CORO7: variants seen among roughly 807,000 people sequenced by gnomAD.
CORO7 encodes coronin-7.
In CORO7, 107 loss-of-function variants were observed where a neutral mutation model predicts 126.6. The ratio of observed to expected loss-of-function variants is 0.85; its 90% CI spans 0.72 to 0.99. The LOEUF (loss-of-function observed/expected upper bound fraction) is 0.99. CORO7 is among the 50% of genes least tolerant of loss of function. CORO7 has a pLI of 0.00. For missense variants in CORO7, 1,314 were observed against 1,255.8 expected, an observed-to-expected ratio of 1.05 and a Z score of -0.70; for synonymous variants, 603 against 536.8, an observed-to-expected ratio of 1.12 and a Z score of -1.70.
At position 4,416,546 on chromosome 16, in the gene CORO7, T is replaced by G. The variant is rs1265661723; in HGVS notation, c.-28A>C. ...CGACGGGCACGGCGGCGGACGCGTC[T>G]TCGAGGACCCCGGGCGTCGGGTCTC... On this transcript the variant is annotated 5_prime_UTR_variant, in exon 1 of 28. Transcript: ENST00000251166. The G allele has an allele frequency of 6.4e-7, 1 of 1,570,110 alleles. No individual in the cohort carries two copies. The highest frequency in any genetic ancestry group is 1.4e-5 in the African/African-American group (1 of 70,596).
At chr16:4,395,757 G>A (rs949899496) in intron 6 of CORO7, among the ~76,000 whole-genome samples, 1 of 152,170 alleles carries the variant, frequency 6.6e-6, no homozygotes, top group Non-Finnish European at 1.5e-5. Context: ...GCTCAGCCCT[G>A]TACTAGGCCC....
intron 9 of CORO7, among the ~76,000 whole-genome samples, chr16:4,366,287 T>C (rs960010273): frequency 3.6e-4 from 54 of 152,078 alleles, no homozygotes; most frequent in African/African-American, 1.2e-3. Flanking sequence ...GGGAATAGAG[T>C]GGGCGGGCCG....
rs373925275 is a variant in CORO7, at chr16:4,380,714, A to C, written c.785+7272T>G. ...GAGGGAGTGACGGGGCTGGGACAGA[A>C]CCTGGGTCGGGGCACTGGCGACCTG... On this transcript the variant is annotated intron_variant, in intron 9 of 27. Transcript: ENST00000251166. Among the ~76,000 whole-genome samples, 25 of 152,320 alleles carry C rather than the reference A, an allele frequency of 1.6e-4. No individual in the cohort carries two copies. In the East Asian group the frequency reaches 3.1e-3, roughly 19 times the overall value.
At chr16:4,360,795 T>G in intron 19 of CORO7, 148 bp downstream of exon 19, 1 of 1,177,140 alleles carries the variant, frequency 8.5e-7, no homozygotes, top group Non-Finnish European at 1.1e-6. Flanking sequence ...CTGGCCCCCC[T>G]CTCCTCACTG....
At chr16:4,357,355 CTTT>C (rs61391325) in intron 25 of CORO7, 96 bp from the exon 26 acceptor site, 8,945 of 715,452 alleles carry the variant, frequency 0.013, no homozygotes, top group East Asian at 0.014. Context: ...TTCTTTCTTT[CTTT>C]TTTTTTTTTT....
intron 9 of CORO7, among the ~76,000 whole-genome samples, chr16:4,383,898 C>T (rs905375628): frequency 6.6e-6 from 1 of 152,206 alleles, no homozygotes; most frequent in African/African-American, 2.4e-5. Flanking sequence ...GGGACAGGGC[C>T]CTGGGCTCTC....
chr16:4,366,249 G>A (rs947370298), intron 9 of CORO7, among the ~76,000 whole-genome samples: 2 of 152,216 alleles, frequency 1.3e-5, no homozygotes, highest in Non-Finnish European at 2.9e-5. Flanking sequence ...CTCTGGTCTC[G>A]AGGCAGGAGC....
At chr16:4,355,218 A>C (rs1440468183) in intron 27 of CORO7, 55 bp from the exon 28 acceptor site, 5 of 1,589,424 alleles carry the variant, frequency 3.1e-6, no homozygotes, top group Non-Finnish European at 4.3e-6. Context: ...GGAAGGGAGG[A>C]GGCATGCACC....
In CORO7 at chr16:4,378,379, C is replaced by T. The variant is rs114128208; in HGVS notation, c.785+9607G>A. The stretch of plus-strand genomic sequence containing the variant: ...AGGCTGGCCACGTGGAGGATCCCCT[C>T]CCACTCTGGAACCTGGCTGCATCCT... On this transcript the variant is annotated intron_variant, in intron 9 of 27. Transcript: ENST00000251166. Among the ~76,000 whole-genome samples the T allele has an allele frequency of 2.9e-3, 437 of 151,928 alleles. 5 individuals carry two copies. The highest frequency in any genetic ancestry group is 0.01 in the African/African-American group (417 of 41,380).
At chr16:4,376,919 A>AG (rs1179318737) in intron 9 of CORO7, among the ~76,000 whole-genome samples, 2 of 152,194 alleles carry the variant, frequency 1.3e-5, no homozygotes, top group Admixed American at 1.3e-4. Flanking sequence ...ACCCACGCCC[A>AG]GGGGGCAGGC....
chr16:4,373,453 G>A (rs886569420), intron 9 of CORO7, among the ~76,000 whole-genome samples: 5 of 152,142 alleles, frequency 3.3e-5, no homozygotes, highest in African/African-American at 4.8e-5. Context: ...GGGTCCCAGG[G>A]CATTTGTCCA....
chr16:4,380,362 TC>T (rs1233834860), intron 9 of CORO7, among the ~76,000 whole-genome samples: 9 of 152,210 alleles, frequency 5.9e-5, no homozygotes, highest in Non-Finnish European at 1.3e-4. Flanking sequence ...CCATGTGAAG[TC>T]TTCCCGCTGC....
At chr16:4,392,054 C>G (rs2055411507) in intron 7 of CORO7, among the ~76,000 whole-genome samples, 1 of 152,178 alleles carries the variant, frequency 6.6e-6, no homozygotes, top group South Asian at 2.1e-4. Flanking sequence ...AGACCCCCCA[C>G]TTACCCCCTT....
chr16:4,389,668 A>T (rs905551877), intron 7 of CORO7, among the ~76,000 whole-genome samples: 3 of 152,198 alleles, frequency 2.0e-5, no homozygotes, highest in Admixed American at 2.0e-4. Flanking sequence ...CTGGAGCCTG[A>T]GAACCAAGGC....
intron 6 of CORO7, among the ~76,000 whole-genome samples, chr16:4,398,441 G>T (rs952226480): frequency 6.6e-6 from 1 of 151,918 alleles, no homozygotes; most frequent in Non-Finnish European, 1.5e-5. Flanking sequence ...AGGCTGGGGG[G>T]AATCACTTGC....
rs1370027190 is a variant in CORO7 at position 4,408,262 on chromosome 16, G to C, written c.233-11C>G. ...AGTCGGTGACTAGGTCTGTGGGAGA[G>C]GAATGGCTGAACCCACCGGAATGTC... is the stretch of plus-strand genomic sequence containing the variant. On this transcript the variant is annotated splice_polypyrimidine_tract_variant and intron_variant, in intron 3 of 27. Transcript: ENST00000251166. 6.2e-7 allele frequency: 1 copy of C among 1,614,186 alleles called. No individual in the cohort carries two copies.
chr16:4,364,490 G>A lies in CORO7; in HGVS notation c.1138-77C>T, dbSNP rs915771459. 3.4e-6 allele frequency: 5 copies of A among 1,484,284 alleles called. No homozygotes were observed. In the African/African-American group the frequency reaches 5.6e-5, roughly 17 times the overall value. The allele number at this position is 1,484,284 out of a possible 1,614,324, so 91.9% of individuals were successfully genotyped here. A position where few individuals can be genotyped will look rare whatever the true frequency, so the allele number is the denominator to read the frequency against. ...AGGGCCCCCATGGGAGGGTCAACTGGGTAGGGATGGGGGGCACCCAGCAGG... is the reference window on the plus strand; with the variant it reads ...AGGGCCCCCATGGGAGGGTCAACTGAGTAGGGATGGGGGGCACCCAGCAGG... On this transcript the variant is annotated intron_variant, in intron 13 of 27. Transcript: ENST00000251166.
At chr16:4,360,832 T>C (rs1301515044) in intron 19 of CORO7, 111 bp downstream of exon 19, 2 of 1,465,770 alleles carry the variant, frequency 1.4e-6, no homozygotes, top group African/African-American at 1.6e-5. Context: ...TCGCTGCTGG[T>C]CCTGCCTCTC....
At position 4,362,023 on chromosome 16, in the gene CORO7, G is replaced by A; in HGVS notation, c.1540C>T (p.Pro514Ser). 1 of 1,612,342 alleles carries A rather than the reference G, an allele frequency of 6.2e-7. No individual in the cohort carries two copies. Among genetic ancestry groups the A allele is most frequent in the East Asian group, 2.2e-5 (1 of 44,832 alleles). The part of the protein sequence containing the change: ...FCANKLRVAV[P>S]LLSSGGQVAV... ...ACCTGTCCCCCGCTGCTGAGCAGCGGCACGGCCACACGCAGCTTGTTGGCA... is the reference window on the plus strand; with the variant it reads ...ACCTGTCCCCCGCTGCTGAGCAGCGACACGGCCACACGCAGCTTGTTGGCA... Residue 514 changes from proline (P) to serine (S), a missense_variant, in exon 16 of 28, where the codon CCG becomes TCG. By Grantham distance (74) the Pro-to-Ser change is moderately conservative. Transcript: ENST00000251166. The surrounding 1 kb of genome is among the most constrained non-coding windows in gnomAD (Gnocchi z 5.3).
Sources: gnomAD v4.1 joint callset for allele counts (sites outside exome capture counted in the v4.1 genomes callset) on GRCh38, gnomAD v4.1.1 for gene constraint, Gnocchi (gnomAD v3.1) non-coding constraint, MANE v1.5 for transcripts, NCBI Gene and HGNC (gene_info 2026-07-23, HGNC 2026-07-21) for gene names.